The following SCHIP1 variants were observed in gnomAD, a reference collection of about 807,000 sequenced individuals.
SCHIP1 encodes the protein schwannomin interacting protein 1.
A neutral mutation model predicts 29.7 loss-of-function variants in SCHIP1; 8 were observed. The observed-to-expected ratio is 0.27, with a 90% CI of 0.16 to 0.49. SCHIP1 has a LOEUF of 0.49. SCHIP1 is among the 20% of genes least tolerant of loss of function. The pLI is 0.99. For missense variants in SCHIP1, 193 were observed against 294.6 expected (o/e 0.66, Z 2.52); for synonymous variants, 76 against 94.9 (o/e 0.80, Z 1.16).
At chr3:159,333,702 C>T in the SCHIP1 span, among the ~76,000 whole-genome samples, 4 of 152,108 alleles carry the variant, frequency 2.6e-5, no homozygotes, top group African/African-American at 9.7e-5. Flanking sequence ...TTGAAGTTAT[C>T]CTTTAGTTTA....
At chr3:159,396,361 T>C in the SCHIP1 span, among the ~76,000 whole-genome samples, 1 of 148,626 alleles carries the variant, frequency 6.7e-6, no homozygotes, top group Admixed American at 6.7e-5. Context: ...GATCCTGTCA[T>C]TATGATGTTA....
At chr3:159,774,893 G>A in the SCHIP1 span, among the ~76,000 whole-genome samples, 4 of 152,122 alleles carry the variant, frequency 2.6e-5, no homozygotes, top group Admixed American at 6.5e-5. Context: ...ATATGTATGT[G>A]TAATCAAATA....
At chr3:159,618,512 C>T in the SCHIP1 span, among the ~76,000 whole-genome samples, 1 of 152,064 alleles carries the variant, frequency 6.6e-6, no homozygotes, top group African/African-American at 2.4e-5. Flanking sequence ...CCTTGGAAAC[C>T]CTGAAAATCT....
the SCHIP1 span, among the ~76,000 whole-genome samples, chr3:159,812,286 A>G: frequency 5.3e-5 from 8 of 152,126 alleles, no homozygotes; most frequent in African/African-American, 1.4e-4. Flanking sequence ...TTTTCAGTGT[A>G]TAAGTCTTGC....
chr3:159,812,824 A>G, the SCHIP1 span, among the ~76,000 whole-genome samples: 2 of 152,176 alleles, frequency 1.3e-5, no homozygotes, highest in African/African-American at 4.8e-5. Flanking sequence ...TTTATAAGGA[A>G]AAGAGGTTTG....
chr3:159,830,636 G>T, the SCHIP1 span, among the ~76,000 whole-genome samples: 2 of 151,882 alleles, frequency 1.3e-5, no homozygotes, highest in African/African-American at 4.8e-5. Context: ...CTATTTTTGG[G>T]CCTCAGAGTA....
the SCHIP1 span, among the ~76,000 whole-genome samples, chr3:159,287,939 A>G: frequency 6.6e-6 from 1 of 152,248 alleles, no homozygotes; most frequent in Admixed American, 6.5e-5. Flanking sequence ...CATGTATGAT[A>G]TCAATTTCTT....
At chr3:159,501,619 A>G in the SCHIP1 span, among the ~76,000 whole-genome samples, 2 of 152,352 alleles carry the variant, frequency 1.3e-5, no homozygotes, top group East Asian at 1.9e-4. Context: ...ATATTCTGCT[A>G]GTAAACCATG....
chr3:159,688,659 T>C, the SCHIP1 span, among the ~76,000 whole-genome samples: 1 of 152,220 alleles, frequency 6.6e-6, no homozygotes, highest in Non-Finnish European at 1.5e-5. Context: ...GTTTTAGTCA[T>C]GAAGTCTTTG....
the SCHIP1 span, among the ~76,000 whole-genome samples, chr3:159,771,208 C>G: frequency 6.6e-6 from 1 of 152,220 alleles, no homozygotes; most frequent in Non-Finnish European, 1.5e-5. Flanking sequence ...CCAGTTACTT[C>G]TTCCCCATCA....
At chr3:159,333,224 G>T in the SCHIP1 span, among the ~76,000 whole-genome samples, 3 of 152,156 alleles carry the variant, frequency 2.0e-5, no homozygotes, top group African/African-American at 7.2e-5. Flanking sequence ...ATTCAAAGTT[G>T]CAAAGTACAT....
chr3:159,363,113 T>C, the SCHIP1 span, among the ~76,000 whole-genome samples: 1 of 152,138 alleles, frequency 6.6e-6, no homozygotes, highest in Non-Finnish European at 1.5e-5. Context: ...TACTCTCCCT[T>C]GAGTATGTAT....
the SCHIP1 span, among the ~76,000 whole-genome samples, chr3:159,677,476 A>G: frequency 2.0e-5 from 3 of 152,240 alleles, no homozygotes; most frequent in African/African-American, 7.2e-5. Context: ...GTTCTTGCAC[A>G]GCCATGTTCT....
At chr3:159,840,577 C>T (rs1482063916) in intron 1 of SCHIP1, among the ~76,000 whole-genome samples, 2 of 152,118 alleles carry the variant, frequency 1.3e-5, no homozygotes, top group Non-Finnish European at 1.5e-5. Flanking sequence ...GATTTTTGCT[C>T]GTTGCATAGG....
chr3:159,873,443 G>A (rs1182265496), intron 2 of SCHIP1, among the ~76,000 whole-genome samples: 1 of 152,210 alleles, frequency 6.6e-6, no homozygotes, highest in African/African-American at 2.4e-5. Flanking sequence ...GTGAGCGTGA[G>A]TTCCTCTCAG....
chr3:159,305,429 G>T, the SCHIP1 span, among the ~76,000 whole-genome samples: 2 of 152,196 alleles, frequency 1.3e-5, no homozygotes, highest in East Asian at 1.9e-4. Context: ...CTGTAAATTT[G>T]TCTTTCTTTA....
the SCHIP1 span, among the ~76,000 whole-genome samples, chr3:159,695,615 G>A: frequency 1.3e-5 from 2 of 152,218 alleles, no homozygotes; most frequent in Non-Finnish European, 2.9e-5. Flanking sequence ...GCCTAACAGG[G>A]TACAATAAAT....
At chr3:159,627,311 T>A in the SCHIP1 span, among the ~76,000 whole-genome samples, 2 of 152,226 alleles carry the variant, frequency 1.3e-5, no homozygotes, top group Non-Finnish European at 2.9e-5. Context: ...TTAAATATTT[T>A]ATTTTCTCTC....
At chr3:159,438,682 C>A in the SCHIP1 span, among the ~76,000 whole-genome samples, 13 of 152,062 alleles carry the variant, frequency 8.5e-5, no homozygotes, top group African/African-American at 3.1e-4. Context: ...TGTTGTTTCC[C>A]CCATGTGTCC....
Sources: allele counts gnomAD v4.1 joint callset (sites outside exome capture counted in the v4.1 genomes callset), GRCh38; gene constraint gnomAD v4.1.1; transcripts MANE v1.5; gene names NCBI Gene and HGNC (gene_info 2026-07-23, HGNC 2026-07-21).